The following C11orf16 variants were observed in gnomAD, a reference collection of about 807,000 sequenced individuals.
The protein encoded by C11orf16 is chromosome 11 open reading frame 16.
A neutral mutation model predicts 45.1 loss-of-function variants in C11orf16; 38 were observed. That is an observed-to-expected ratio of 0.84 (90% confidence interval 0.65 to 1.10). C11orf16 has a LOEUF of 1.10. C11orf16 is among the 50% of genes least tolerant of loss of function. The pLI, the probability that C11orf16 is intolerant of heterozygous loss-of-function variation, is 0.00. For synonymous variants in C11orf16, 221 were observed against 222.0 expected (o/e 1.00, Z 0.04); for missense variants, 583 against 569.5 (o/e 1.02, Z -0.24).
Position 8,920,355 on chromosome 11 carries a change from T to TA in C11orf16, c.*117dup. 1.7e-6 allele frequency: 1 copy of TA among 600,262 alleles called. No homozygotes were observed. Among genetic ancestry groups the TA allele is most frequent in the Non-Finnish European group, 2.9e-6 (1 of 339,838 alleles). 37.2% of individuals were successfully genotyped at this position (600,262 alleles called of 1,614,324 possible). A position where few individuals can be genotyped will look rare whatever the true frequency, so the allele number is the denominator to read the frequency against. ...GAGATACTGGTGGTTATTTGACTGTTACCTGTGGCCTGTCCTCTGCCTCCT... is the reference window on the plus strand; with the variant it reads ...GAGATACTGGTGGTTATTTGACTGTTAACCTGTGGCCTGTCCTCTGCCTCCT... On this transcript the variant is annotated 3_prime_UTR_variant, in exon 7 of 7. Coordinates refer to ENST00000326053, the MANE Select transcript of C11orf16 (RefSeq NM_020643.3).
intron 3 of C11orf16, chr11:8,928,914 A>C (rs2064632481): frequency 6.3e-6 from 1 of 158,918 alleles, no homozygotes; most frequent in Non-Finnish European, 1.4e-5. Flanking sequence ...TCCCTAATCC[A>C]GTGTGATTGA....
chr11:8,924,323 G>A (rs917728228), intron 5 of C11orf16, among the ~76,000 whole-genome samples: 4 of 152,040 alleles, frequency 2.6e-5, no homozygotes, highest in Non-Finnish European at 4.4e-5. Context: ...CCAGGGGTTC[G>A]AGACCTGCCT....
intron 2 of C11orf16, among the ~76,000 whole-genome samples, chr11:8,931,659 G>A (rs961658447): frequency 5.3e-5 from 8 of 152,114 alleles, no homozygotes; most frequent in African/African-American, 1.7e-4. Context: ...CAAAGTGCTG[G>A]GATTACAGGC....
chr11:8,927,018 C>A lies in C11orf16; in HGVS notation c.481G>T (p.Ala161Ser). ...YSLRPGDKVL[A>S]LWEPGQQQYG... ...TGCTGTTGGCCTGGCTCCCAGAGTGCCAGCACCTTATCCCCTGGTCTCAGT... is the reference window on the plus strand; with the variant it reads ...TGCTGTTGGCCTGGCTCCCAGAGTGACAGCACCTTATCCCCTGGTCTCAGT... The change falls in exon 4 of 7, where the codon GCA becomes TCA. Residue 161 changes from alanine (A) to serine (S), a missense_variant. Physicochemically the swap from Ala to Ser is moderately conservative, Grantham distance 99 (BLOSUM62 1). Transcript: ENST00000326053. The A allele has an allele frequency of 6.2e-7, 1 of 1,614,102 alleles. No homozygotes were observed.
In C11orf16 at chr11:8,929,364, G is replaced by T. The variant is rs759211621; in HGVS notation, c.324+13C>A. ...AGGAGCACGCCAGGGAGATACTGGG[G>T]TCAGGGACTTGCCTCGGGAGTGGCC... is the stretch of plus-strand genomic sequence containing the variant. On this transcript the variant is annotated intron_variant, in intron 3 of 6. Coordinates refer to ENST00000326053, the MANE Select transcript of C11orf16 (RefSeq NM_020643.3). The T allele has an allele frequency of 5.6e-6, 9 of 1,611,938 alleles. No individual in the cohort carries two copies. The highest frequency in any genetic ancestry group is 6.8e-6 in the Non-Finnish European group (8 of 1,178,886).
At position 8,926,949 on chromosome 11, in the gene C11orf16, G is replaced by T. The variant is rs2064618146; in HGVS notation, c.550C>A (p.Pro184Thr). Residue 184 changes from proline to threonine, a missense_variant, in exon 4 of 7, where the codon CCC (proline) becomes ACC (threonine). Transcript: ENST00000326053. ...TVLLGLEMRD[P>T]QRASKEKEIT... ...GAGCAGCTTCTCTTACCTCTCTGGG[G>T]ATCTCTCATCTCCAAGCCCAAAAGA... The T allele has an allele frequency of 1.2e-6, 2 of 1,613,112 alleles. No homozygotes were observed. The highest frequency in any genetic ancestry group is 1.7e-6 in the Non-Finnish European group (2 of 1,179,818).
intron 5 of C11orf16, among the ~76,000 whole-genome samples, chr11:8,922,378 A>AT (rs1309955039): frequency 2.9e-5 from 3 of 102,898 alleles, no homozygotes; most frequent in Non-Finnish European, 7.0e-5. Flanking sequence ...GTCTCTAAAA[A>AT]TAAAAAAAAA....
intron 6 of C11orf16, 101 bp downstream of exon 6, chr11:8,921,193 G>A: frequency 1.2e-6 from 1 of 859,286 alleles, no homozygotes; most frequent in Non-Finnish European, 1.9e-6. Flanking sequence ...CTAGGACAAG[G>A]GGTCATAGGT....
rs2064626780 is a variant in C11orf16, at chr11:8,928,051, G to C, written c.325-877C>G. ...GGTTCCCGAGCAGCTGGGACTACAG[G>C]AGCCCACCACCTGGCTCAGCTAATT... On this transcript the variant is annotated intron_variant, in intron 3 of 6. Transcript: ENST00000326053. 3.3e-5 allele frequency among the ~76,000 whole-genome samples: 5 copies of C among 152,160 alleles called. 1 individual carries two copies. In the South Asian group the frequency reaches 1.0e-3, roughly 32 times the overall value.
In C11orf16 at chr11:8,921,448, T is replaced by C. The variant is rs766510530; in HGVS notation, c.1272A>G (p.Val424=). The change falls in exon 6 of 7, where the codon GTA becomes GTG. Residue 424 remains valine (V), a synonymous_variant. Coordinates refer to ENST00000326053, the MANE Select transcript of C11orf16 (RefSeq NM_020643.3). ...AGACCAGCTCCTTGGTAGTCCCCAC[T>C]ACTGCAGTTTGTGCTCTCTGCTGTT... The part of the protein sequence containing the change: ...DHKQQRAQTA[V]VGTTKELVSK... 3.1e-6 allele frequency: 5 copies of C among 1,614,120 alleles called. No individual in the cohort carries two copies. Among genetic ancestry groups the C allele is most frequent in the Middle Eastern group, 1.6e-4 (1 of 6,084 alleles).
chr11:8,931,458 G>A (rs926136297), intron 2 of C11orf16, among the ~76,000 whole-genome samples: 3 of 151,952 alleles, frequency 2.0e-5, no homozygotes, highest in Non-Finnish European at 4.4e-5. Context: ...GTGCGATCTC[G>A]GCTCACTGCA....
At chr11:8,927,896 T>TTAAATTG (rs2064625409) in intron 3 of C11orf16, among the ~76,000 whole-genome samples, 1 of 152,222 alleles carries the variant, frequency 6.6e-6, no homozygotes, top group Non-Finnish European at 1.5e-5. Flanking sequence ...ACATATTAGT[T>TTAAATTG]ACTTGAAAAT....
chr11:8,921,500 T>G lies in C11orf16; in HGVS notation c.1220A>C (p.Asn407Thr), dbSNP rs376326207. 35 of 1,614,112 alleles carry G rather than the reference T, an allele frequency of 2.2e-5. No homozygotes were observed. The East Asian group carries it at 3.8e-4, about 17-fold the overall frequency. ...GTGATCCTTTTCTTCTTTGCAGATG[T>G]TGGAATATCTTGTTCCTAAACCCAA... ...CLGKPGTRYSNICKEEKDHKQ... is the reference protein window; with the variant it reads ...CLGKPGTRYSTICKEEKDHKQ... The change falls in exon 6 of 7, where the codon AAC becomes ACC. Residue 407 changes from asparagine (N) to threonine (T), a missense_variant. By Grantham distance (65) the Asn-to-Thr change is moderately conservative (BLOSUM62 0). Transcript: ENST00000326053.
rs1342415029 is a variant in C11orf16 at position 8,927,000 on chromosome 11, G to A, written c.499C>T (p.Gln167Ter). 4 of 1,613,888 alleles carry A rather than the reference G, an allele frequency of 2.5e-6. No homozygotes were observed. The highest frequency in any genetic ancestry group is 1.7e-5 in the Admixed American group (1 of 59,980). The change falls in exon 4 of 7, where the codon CAA (glutamine) becomes TAA (stop). Residue 167 changes from glutamine (Q) to a stop codon, truncating the protein, a stop_gained. Transcript: ENST00000326053. LOFTEE classifies it high-confidence loss of function. ...DKVLALWEPGQQQYGPGTVLL... is the reference protein window; with the variant it reads ...DKVLALWEPG ...ACAGTGCCAGGGCCATACTGCTGTT[G>A]GCCTGGCTCCCAGAGTGCCAGCACC... is the stretch of plus-strand genomic sequence containing the variant.
At chr11:8,922,202 T>C (rs185925566) in intron 5 of C11orf16, among the ~76,000 whole-genome samples, 5 of 152,134 alleles carry the variant, frequency 3.3e-5, no homozygotes, top group Non-Finnish European at 2.9e-5. Context: ...TACAAGCTGA[T>C]AGAAAACAAA....
chr11:8,929,317 C>G, intron 3 of C11orf16, 60 bp downstream of exon 3: 1 of 1,542,940 alleles, frequency 6.5e-7, no homozygotes, highest in Non-Finnish European at 8.8e-7. Context: ...TAAGGCATGT[C>G]AGGTATGACA....
chr11:8,932,409 G>A, intron 1 of C11orf16, 83 bp from the exon 2 acceptor site: 4 of 1,166,890 alleles, frequency 3.4e-6, no homozygotes, highest in South Asian at 1.7e-5. Context: ...CAGCTCTGCA[G>A]TTAGCTGCCT....
chr11:8,929,372 C>T lies in C11orf16; in HGVS notation c.324+5G>A, dbSNP rs764070162. 1 of 1,612,694 alleles carries T rather than the reference C, an allele frequency of 6.2e-7. No homozygotes were observed. The highest frequency in any genetic ancestry group is 8.5e-7 in the Non-Finnish European group (1 of 1,179,366). On this transcript the variant is annotated splice_donor_5th_base_variant and intron_variant, in intron 3 of 6. Coordinates refer to ENST00000326053, the MANE Select transcript of C11orf16 (RefSeq NM_020643.3). ...GCCAGGGAGATACTGGGGTCAGGGA[C>T]TTGCCTCGGGAGTGGCCTTTATTTG... is the stretch of plus-strand genomic sequence containing the variant.
chr11:8,927,893 A>AAAATT (rs2064625335), intron 3 of C11orf16, among the ~76,000 whole-genome samples: 1 of 152,218 alleles, frequency 6.6e-6, no homozygotes, highest in Non-Finnish European at 1.5e-5. Flanking sequence ...TTCACATATT[A>AAAATT]GTTACTTGAA....
Sources: gnomAD v4.1 joint callset for allele counts (sites outside exome capture counted in the v4.1 genomes callset) on GRCh38, gnomAD v4.1.1 for gene constraint, MANE v1.5 for transcripts, NCBI Gene and HGNC (gene_info 2026-07-23, HGNC 2026-07-21) for gene names.